The following NFIA variants were observed in gnomAD, a reference collection of about 807,000 sequenced individuals.
The protein encoded by NFIA is nuclear factor I A.
In NFIA, 8 loss-of-function variants were observed where a neutral mutation model predicts 62.8. That is an observed-to-expected ratio of 0.13 (90% CI 0.07 to 0.23). NFIA has a LOEUF of 0.23. NFIA is among the 10% of genes least tolerant of loss of function. The pLI is 1.00. For synonymous variants in NFIA, 235 were observed against 238.1 expected, an observed-to-expected ratio of 0.99 and a Z score of 0.12; for missense variants, 410 against 642.1, an observed-to-expected ratio of 0.64 and a Z score of 3.91.
chr1:61,230,373 A>G (rs1210110611), intron 2 of NFIA, among the ~76,000 whole-genome samples: 1 of 152,200 alleles, frequency 6.6e-6, no homozygotes, highest in East Asian at 1.9e-4. Context: ...ATGGCATCTA[A>G]TGGTATCACC....
chr1:61,083,154 C>G (rs1440431362), intron 1 of NFIA, among the ~76,000 whole-genome samples: 1 of 152,182 alleles, frequency 6.6e-6, no homozygotes, highest in East Asian at 1.9e-4. Flanking sequence ...GGACACCCCG[C>G]ACGTGTTTCG....
chr1:61,445,582 C>G (rs1324862285), intron 10 of NFIA, among the ~76,000 whole-genome samples: 1 of 152,170 alleles, frequency 6.6e-6, no homozygotes, highest in Non-Finnish European at 1.5e-5. Flanking sequence ...CTAAATCCTA[C>G]CACATCCTCA....
At chr1:61,333,114 A>C (rs2100394051) in intron 4 of NFIA, among the ~76,000 whole-genome samples, 1 of 151,520 alleles carries the variant, frequency 6.6e-6, no homozygotes, top group East Asian at 1.9e-4. Context: ...TTCCCTTAGG[A>C]ATCTGTTTTT....
rs921866036 is a variant in NFIA, at chr1:61,113,713, G to A, written c.559+25033G>A. Among the ~76,000 whole-genome samples, 4 of 150,910 alleles carry A rather than the reference G, an allele frequency of 2.7e-5. No individual in the cohort carries two copies. In the Admixed American group the frequency reaches 2.7e-4, roughly 10 times the overall value. On this transcript the variant is annotated intron_variant, in intron 2 of 10. Transcript: ENST00000403491. ...AAAACTGATTTGAGTTGTGGATGAA[G>A]GATTGTTTGGAAATGAGAGAATGAG...
At chr1:61,350,495 G>T (rs1027655504) in intron 4 of NFIA, among the ~76,000 whole-genome samples, 3 of 152,148 alleles carry the variant, frequency 2.0e-5, no homozygotes, top group African/African-American at 4.8e-5. Flanking sequence ...AATTAGCCGG[G>T]TGTGGCGTAG....
At chr1:61,233,608 G>A (rs151241239) in intron 2 of NFIA, among the ~76,000 whole-genome samples, 69 of 152,300 alleles carry the variant, frequency 4.5e-4, no homozygotes, top group African/African-American at 1.6e-3. Flanking sequence ...GGAGGTGGTT[G>A]AAATCCTGGG....
At chr1:61,416,467 C>A (rs962946182) in intron 9 of NFIA, among the ~76,000 whole-genome samples, 6 of 152,074 alleles carry the variant, frequency 3.9e-5, no homozygotes, top group African/African-American at 9.7e-5. Context: ...TTCCCCCTCA[C>A]AGAGAGCATG....
At chr1:61,375,441 G>A (rs1425946967) in intron 6 of NFIA, among the ~76,000 whole-genome samples, 1 of 152,170 alleles carries the variant, frequency 6.6e-6, no homozygotes, top group South Asian at 2.1e-4. Flanking sequence ...GACTTGGAAT[G>A]TTTGCAAGAA....
rs565846181 is a variant in NFIA, at chr1:61,358,798, A to T, written c.819-349A>T. Among the ~76,000 whole-genome samples the T allele has an allele frequency of 3.3e-5, 5 of 151,494 alleles. No individual in the cohort carries two copies. The South Asian group carries it at 1.1e-3, about 32-fold the overall frequency. On this transcript the variant is annotated intron_variant, in intron 5 of 10. Coordinates refer to ENST00000403491, the MANE Select transcript of NFIA (RefSeq NM_001134673.4). The stretch of plus-strand genomic sequence containing the variant: ...CATTGCTGATGGCCAGGCCCCAGCC[A>T]CCACCTGTGGAGATAGGAAATATGT...
intron 2 of NFIA, among the ~76,000 whole-genome samples, chr1:61,121,912 G>A (rs985399124): frequency 6.6e-6 from 1 of 152,044 alleles, no homozygotes; most frequent in African/African-American, 2.4e-5. Flanking sequence ...ATATGTAGGT[G>A]GAAAGCTATT....
intron 2 of NFIA, among the ~76,000 whole-genome samples, chr1:61,091,555 C>T (rs1021518152): frequency 7.2e-5 from 11 of 152,068 alleles, no homozygotes; most frequent in African/African-American, 1.7e-4. Flanking sequence ...CCATTTTATG[C>T]CCTTAATTTG....
At chr1:61,360,852 C>T (rs1273111219) in intron 6 of NFIA, among the ~76,000 whole-genome samples, 6 of 152,220 alleles carry the variant, frequency 3.9e-5, no homozygotes, top group East Asian at 1.9e-4. Context: ...GGCCCATTGG[C>T]GGTGTCTTTT....
At chr1:61,120,269 A>G (rs763613241) in intron 2 of NFIA, among the ~76,000 whole-genome samples, 2 of 152,228 alleles carry the variant, frequency 1.3e-5, no homozygotes, top group Non-Finnish European at 2.9e-5. Context: ...ATGAAATTCA[A>G]TAAGTAATGC....
chr1:61,175,516 C>T (rs1013796781), intron 2 of NFIA, among the ~76,000 whole-genome samples: 1 of 152,172 alleles, frequency 6.6e-6, no homozygotes. Context: ...ATGTTGTTGT[C>T]ATTTTCTACC....
chr1:61,112,124 ATTTTT>A (rs36050665), intron 2 of NFIA, among the ~76,000 whole-genome samples: 2 of 150,052 alleles, frequency 1.3e-5, no homozygotes, highest in African/African-American at 4.9e-5. Flanking sequence ...AAATAGAAAG[ATTTTT>A]TTTTTTTAAA....
At chr1:61,174,629 T>C (rs1018965927) in intron 2 of NFIA, among the ~76,000 whole-genome samples, 1 of 152,212 alleles carries the variant, frequency 6.6e-6, no homozygotes, top group African/African-American at 2.4e-5. Flanking sequence ...GCCATTTGCA[T>C]TGAAAACTGA....
intron 2 of NFIA, among the ~76,000 whole-genome samples, chr1:61,144,937 C>T (rs957468613): frequency 3.9e-5 from 6 of 152,176 alleles, no homozygotes; most frequent in Admixed American, 1.3e-4. Context: ...ACAGAGTCCT[C>T]TTGGAAATGT....
chr1:61,190,945 C>A (rs1354081197), intron 2 of NFIA, among the ~76,000 whole-genome samples: 1 of 151,864 alleles, frequency 6.6e-6, no homozygotes, highest in African/African-American at 2.4e-5. Context: ...TATAAAAAGC[C>A]AACTTTGTGC....
chr1:61,455,513 AT>A lies in NFIA; in HGVS notation c.*206del, dbSNP rs11423561. 9,062 of 575,666 alleles carry A rather than the reference AT, an allele frequency of 0.016. 1 individual carries two copies. The highest frequency in any genetic ancestry group is 0.017 in the African/African-American group (857 of 51,650). The allele number at this position is 575,666 out of a possible 1,614,324, so 35.7% of individuals were successfully genotyped here. A position where few individuals can be genotyped will look rare whatever the true frequency, so the allele number is the denominator to read the frequency against. On this transcript the variant is annotated 3_prime_UTR_variant, in exon 11 of 11. Coordinates refer to ENST00000403491, the MANE Select transcript of NFIA (RefSeq NM_001134673.4). ...ACAGCAAAGGCCATAACCTTTTGGG[AT>A]TTTTTTTTTTTTAAAATACTTTAGG...
Sources: gnomAD v4.1 joint callset for allele counts (sites outside exome capture counted in the v4.1 genomes callset) on GRCh38, gnomAD v4.1.1 for gene constraint, MANE v1.5 for transcripts, NCBI Gene and HGNC (gene_info 2026-07-23, HGNC 2026-07-21) for gene names.